HNRNPC: variants seen among roughly 807,000 people sequenced by gnomAD.
HNRNPC encodes heterogeneous nuclear ribonucleoprotein C.
HNRNPC carries 3 observed loss-of-function variants against 33.2 expected under a neutral mutation model. That is an observed-to-expected ratio of 0.09 (90% confidence interval 0.04 to 0.23). The LOEUF is 0.23. HNRNPC is among the 10% of genes least tolerant of loss of function. The pLI is 1.00. For synonymous variants in HNRNPC, 121 were observed against 126.7 expected (o/e 0.96, Z 0.30); for missense variants, 143 against 366.7 (o/e 0.39, Z 4.98).
At chr14:21,221,221 C>G (rs749170492) in intron 5 of HNRNPC, among the ~76,000 whole-genome samples, 1 of 152,208 alleles carries the variant, frequency 6.6e-6, no homozygotes, top group Non-Finnish European at 1.5e-5. Flanking sequence ...CTCCTATTTA[C>G]TCTTTCAACA....
chr14:21,219,149 A>G (rs1380566696), intron 5 of HNRNPC, among the ~76,000 whole-genome samples: 2 of 151,930 alleles, frequency 1.3e-5, no homozygotes, highest in Non-Finnish European at 2.9e-5. Flanking sequence ...GGGAAAAAAA[A>G]TTACATATTT....
Position 21,213,074 on chromosome 14 carries a change from C to G in HNRNPC, c.409G>C (p.Ala137Pro). 6.2e-7 allele frequency: 1 copy of G among 1,614,018 alleles called. No individual in the cohort carries two copies. The highest frequency in any genetic ancestry group is 8.5e-7 in the Non-Finnish European group (1 of 1,179,966). ...PARVPPPPPIARAVVPSKRQR... is the reference protein window; with the variant it reads ...PARVPPPPPIPRAVVPSKRQR... Reference sequence around the variant, plus strand: ...CGTTTCGAGGGCACTACAGCCCGAGCAATAGGAGGAGGAGGAGGTACACGT... The same window carrying G: ...CGTTTCGAGGGCACTACAGCCCGAGGAATAGGAGGAGGAGGAGGTACACGT... Residue 137 changes from alanine to proline, a missense_variant, in exon 6 of 9, where the codon GCT (alanine) becomes CCT (proline). By Grantham distance (27) the Ala-to-Pro change is conservative. Coordinates refer to ENST00000553300, the MANE Select transcript of HNRNPC (RefSeq NM_004500.4).
At chr14:21,254,062 A>G (rs1315442434) in intron 2 of HNRNPC, among the ~76,000 whole-genome samples, 5 of 144,670 alleles carry the variant, frequency 3.5e-5, no homozygotes, top group Middle Eastern at 3.5e-3. Flanking sequence ...TTCCGTCTCA[A>G]AAAAAAAAAA....
intron 5 of HNRNPC, 48 bp from the exon 6 acceptor site, chr14:21,213,165 C>A: frequency 6.4e-7 from 1 of 1,562,632 alleles, no homozygotes; most frequent in Non-Finnish European, 8.8e-7. Flanking sequence ...AACATTAACT[C>A]AGCACAATTC....
chr14:21,231,516 G>T (rs548794819), intron 3 of HNRNPC: 51 of 406,328 alleles, frequency 1.3e-4, no homozygotes, highest in Non-Finnish European at 2.3e-4. Flanking sequence ...TCTATTTTTC[G>T]TAGGGACGAA....
At chr14:21,254,489 A>C (rs1362233454) in intron 2 of HNRNPC, 2 of 152,210 alleles carry the variant, frequency 1.3e-5, no homozygotes, top group Non-Finnish European at 2.9e-5. Flanking sequence ...TTTTCTAAAA[A>C]TGTTCTATGA....
chr14:21,260,960 C>CAAAA (rs71112564), intron 2 of HNRNPC, among the ~76,000 whole-genome samples: 1 of 88,516 alleles, frequency 1.1e-5, no homozygotes, highest in Non-Finnish European at 2.3e-5. Flanking sequence ...GAGACTGTCT[C>CAAAA]AAAAAAAAAA....
intron 1 of HNRNPC, chr14:21,268,594 T>A (rs1480299548): frequency 6.6e-6 from 1 of 152,198 alleles, no homozygotes. Context: ...TGCCTCAGTT[T>A]CCGTCTGAGA....
chr14:21,251,750 G>C (rs1896705983), intron 2 of HNRNPC, among the ~76,000 whole-genome samples: 1 of 151,994 alleles, frequency 6.6e-6, no homozygotes, highest in South Asian at 2.1e-4. Context: ...TTGTTGTGTA[G>C]CATCTGGGAG....
intron 2 of HNRNPC, among the ~76,000 whole-genome samples, chr14:21,244,028 C>T (rs951592472): frequency 2.0e-5 from 3 of 147,866 alleles, no homozygotes; most frequent in Admixed American, 6.7e-5. Flanking sequence ...ATATTTCCTC[C>T]AAGTTTTTTT....
At chr14:21,267,302 G>A (rs919811897) in intron 1 of HNRNPC, among the ~76,000 whole-genome samples, 1 of 152,004 alleles carries the variant, frequency 6.6e-6, no homozygotes, top group Non-Finnish European at 1.5e-5. Flanking sequence ...TTACTCCCCA[G>A]CCAACACCTC....
In HNRNPC at chr14:21,231,079, A is replaced by C. The variant is rs1357619551; in HGVS notation, c.242-7T>G. ...TCTGCAGCCAGGTTAATATCTGAAA[A>C]ACAAAAGTAAAAATGTTAATGACAA... is the stretch of plus-strand genomic sequence containing the variant. On this transcript the variant is annotated splice_region_variant and splice_polypyrimidine_tract_variant and intron_variant, in intron 3 of 8. Transcript: ENST00000553300. The C allele has an allele frequency of 1.2e-6, 2 of 1,609,250 alleles. No homozygotes were observed. The highest frequency in any genetic ancestry group is 2.2e-5 in the East Asian group (1 of 44,840).
rs191678898 is a variant in HNRNPC, at chr14:21,219,997, T to C, written c.366-6880A>G. Among the ~76,000 whole-genome samples the C allele has an allele frequency of 2.2e-4, 34 of 152,310 alleles. 1 individual carries two copies. The highest frequency in any genetic ancestry group is 7.9e-4 in the African/African-American group (33 of 41,572). On this transcript the variant is annotated intron_variant, in intron 5 of 8. Transcript: ENST00000553300. ...AACACCTTTAAGATCCATCTGCTTT[T>C]CATCACTCCCATTGCCATTTCTCTG...
chr14:21,242,641 T>C (rs1274160571), intron 2 of HNRNPC, among the ~76,000 whole-genome samples: 2 of 152,126 alleles, frequency 1.3e-5, no homozygotes, highest in African/African-American at 4.8e-5. Context: ...TATAATTACA[T>C]AGGGGGAAAA....
rs1295374932 is a variant in HNRNPC at position 21,231,161 on chromosome 14, G to A, written c.242-89C>T. ...TTATTTTTTTTATTTTTGAGACATA[G>A]TTTCGCTTTCTCGCTCAGGCTGGAG... On this transcript the variant is annotated intron_variant, in intron 3 of 8. Transcript: ENST00000553300. The A allele has an allele frequency of 1.3e-5, 17 of 1,322,904 alleles. No homozygotes were observed. In the East Asian group the frequency reaches 4.2e-4, roughly 32 times the overall value. The allele number at this position is 1,322,904 out of a possible 1,614,324, so 81.9% of individuals were successfully genotyped here.
At chr14:21,228,286 A>T (rs1893700813) in intron 5 of HNRNPC, among the ~76,000 whole-genome samples, 1 of 152,248 alleles carries the variant, frequency 6.6e-6, no homozygotes, top group Admixed American at 6.5e-5. Flanking sequence ...GTCATTACCA[A>T]GGTCTGATTG....
intron 1 of HNRNPC, chr14:21,263,904 A>AT (rs1555361493): frequency 1.3e-5 from 2 of 152,174 alleles, no homozygotes; most frequent in Non-Finnish European, 2.9e-5. Context: ...AGACAGAAAC[A>AT]TCTGTCTACT....
At chr14:21,265,994 A>G (rs1300388604) in intron 1 of HNRNPC, among the ~76,000 whole-genome samples, 2 of 152,240 alleles carry the variant, frequency 1.3e-5, no homozygotes, top group East Asian at 3.8e-4. Context: ...CTTGTGGTAG[A>G]GATCATAGCA....
chr14:21,231,626 G>A lies in HNRNPC; in HGVS notation c.242-554C>T, dbSNP rs147644065. Among the ~76,000 whole-genome samples, 1,255 of 152,234 alleles carry A rather than the reference G, an allele frequency of 8.2e-3. 12 individuals carry two copies. Among genetic ancestry groups the A allele is most frequent in the African/African-American group, 0.028 (1,176 of 41,542 alleles). On this transcript the variant is annotated intron_variant, in intron 3 of 8. Coordinates refer to ENST00000553300, the MANE Select transcript of HNRNPC (RefSeq NM_004500.4). ...CATCTCTCCTTTTAATATTAAAAAG[G>A]CTCACAAATTTTTACAAGGCTAAGG...
Sources: gnomAD v4.1 joint callset for allele counts (sites outside exome capture counted in the v4.1 genomes callset) on GRCh38, gnomAD v4.1.1 for gene constraint, MANE v1.5 for transcripts, NCBI Gene and HGNC (gene_info 2026-07-23, HGNC 2026-07-21) for gene names.